IDE: variants seen among roughly 807,000 people sequenced by gnomAD.
IDE encodes insulin-degrading enzyme.
In IDE, 58 loss-of-function variants were observed where a neutral mutation model predicts 133.2. The observed-to-expected ratio is 0.44, with a 90% CI of 0.35 to 0.54. The LOEUF (loss-of-function observed/expected upper bound fraction) is 0.54. Among genes scored for constraint, IDE ranks in the 20% least tolerant of loss-of-function variants. The probability of loss-of-function intolerance (pLI) is 0.00; values close to 1 mark genes in which losing one functional copy is unlikely to be tolerated. For synonymous variants in IDE, 396 were observed against 421.3 expected, an observed-to-expected ratio of 0.94 and a Z score of 0.73; for missense variants, 981 against 1,234.0, an observed-to-expected ratio of 0.79 and a Z score of 3.07.
chr10:92,527,319 C>A (rs1849681743), intron 4 of IDE, among the ~76,000 whole-genome samples: 1 of 151,938 alleles, frequency 6.6e-6, no homozygotes, highest in Non-Finnish European at 1.5e-5. Flanking sequence ...CTTCATGCAC[C>A]CCTGCTTCAA....
At chr10:92,534,388 A>C (rs1241395368) in intron 3 of IDE, among the ~76,000 whole-genome samples, 190 bp downstream of exon 3, 1 of 152,226 alleles carries the variant, frequency 6.6e-6, no homozygotes, top group Non-Finnish European at 1.5e-5. Flanking sequence ...TCAATAAAAT[A>C]TTTTGTAGGC....
intron 2 of IDE, 49 bp downstream of exon 2, chr10:92,537,317 T>G (rs753284303): frequency 4.2e-6 from 6 of 1,415,622 alleles, no homozygotes; most frequent in Non-Finnish European, 5.8e-6. Flanking sequence ...AATGTCAGCA[T>G]TAGGTCAATG....
rs1283913704 is a variant in IDE at position 92,535,138 on chromosome 10, C to T, written c.284-353G>A. On this transcript the variant is annotated intron_variant, in intron 2 of 24. Coordinates refer to ENST00000265986, the MANE Select transcript of IDE (RefSeq NM_004969.4). ...TTTATTTTTGAGACGGAGTCTTGCT[C>T]TGTCGCCCAGGCTGGAGTGCAGTGG... is the stretch of plus-strand genomic sequence containing the variant. Among the ~76,000 whole-genome samples the T allele has an allele frequency of 3.3e-5, 5 of 152,238 alleles. No individual in the cohort carries two copies. The South Asian group carries it at 1.0e-3, about 32-fold the overall frequency.
Position 92,487,314 on chromosome 10 carries a change from C to A in IDE, c.1538G>T (p.Trp513Leu). The change falls in exon 13 of 25, where the codon TGG becomes TTG. Residue 513 changes from tryptophan (W) to leucine (L), a missense_variant. Physicochemically the swap from Trp to Leu is moderately conservative, Grantham distance 61 (BLOSUM62 -2). This residue lies in a region of IDE where 660 missense variants were observed against 894.7 expected (regional missense o/e 0.74). Transcript: ENST00000265986. ...TTTCCCATTCAGGTCAGCATTTTGC[C>A]ATTTCTGGATGAATAATGAAACACA... ...EAIPDEVIKK[W>L]QNADLNGKFK... The A allele has an allele frequency of 6.2e-7, 1 of 1,609,600 alleles. No individual in the cohort carries two copies. Among genetic ancestry groups the A allele is most frequent in the South Asian group, 1.1e-5 (1 of 90,060 alleles).
intron 4 of IDE, among the ~76,000 whole-genome samples, chr10:92,531,055 T>C (rs141235319): frequency 6.5e-4 from 99 of 152,330 alleles, no homozygotes; most frequent in African/African-American, 2.1e-3. Flanking sequence ...CTGTTAACAA[T>C]GATTACCTCT....
Position 92,535,002 on chromosome 10 carries a change from A to G in IDE, c.284-217T>C, listed in dbSNP as rs970346442. 2.0e-5 allele frequency among the ~76,000 whole-genome samples: 3 copies of G among 152,322 alleles called. No homozygotes were observed. In the South Asian group the frequency reaches 6.2e-4, roughly 32 times the overall value. On this transcript the variant is annotated intron_variant, in intron 2 of 24. Coordinates refer to ENST00000265986, the MANE Select transcript of IDE (RefSeq NM_004969.4). ...TTGACGCTAATTAGTTGGTAACCTC[A>G]GGCAGGTTACTTAGTGTCTCTGAAC...
chr10:92,491,228 AC>A (rs1248409903), intron 11 of IDE, among the ~76,000 whole-genome samples: 3 of 150,934 alleles, frequency 2.0e-5, no homozygotes, highest in Non-Finnish European at 4.4e-5. Context: ...ACAAATCAAA[AC>A]CTTGTCTCTT....
At chr10:92,519,224 A>T (rs1259131748) in intron 4 of IDE, among the ~76,000 whole-genome samples, 1 of 152,188 alleles carries the variant, frequency 6.6e-6, no homozygotes, top group Non-Finnish European at 1.5e-5. Flanking sequence ...AAGCTGAGTA[A>T]ATGGTCCAGA....
chr10:92,547,118 C>A (rs1842564903), intron 1 of IDE, among the ~76,000 whole-genome samples: 1 of 152,098 alleles, frequency 6.6e-6, no homozygotes, highest in African/African-American at 2.4e-5. Context: ...GTCTCACTCC[C>A]AGCGCCCAGG....
intron 14 of IDE, 107 bp from the exon 15 acceptor site, chr10:92,479,528 G>A: frequency 4.8e-6 from 4 of 839,648 alleles, no homozygotes; most frequent in Non-Finnish European, 7.6e-6. Context: ...ATGATTTCCT[G>A]AGGATATGGT....
chr10:92,532,299 G>A (rs1244762471), intron 3 of IDE, among the ~76,000 whole-genome samples: 1 of 150,682 alleles, frequency 6.6e-6, no homozygotes, highest in African/African-American at 2.4e-5. Context: ...GAAAGAAAAA[G>A]GCAGGTCATA....
chr10:92,481,275 T>C (rs1459290019), intron 14 of IDE, among the ~76,000 whole-genome samples: 1 of 151,706 alleles, frequency 6.6e-6, no homozygotes, highest in African/African-American at 2.4e-5. Flanking sequence ...TTCCAAGGAG[T>C]GTCCTAAAAT....
chr10:92,505,039 G>A, intron 10 of IDE, 142 bp from the exon 11 acceptor site: 2 of 502,248 alleles, frequency 4.0e-6, no homozygotes, highest in Non-Finnish European at 6.9e-6. Flanking sequence ...AAAATTTTCT[G>A]TAGCCCTAAA....
intron 1 of IDE, among the ~76,000 whole-genome samples, chr10:92,548,359 CAAAAAAAAAA>C (rs56347361): frequency 2.2e-3 from 89 of 39,714 alleles, no homozygotes; most frequent in Middle Eastern, 0.013. Flanking sequence ...AACTCCATCT[CAAAAAAAAAA>C]AAAAAAAAAA....
chr10:92,508,804 T>C lies in IDE; in HGVS notation c.984A>G (p.Ser328=). ...PIPDLQKYYK[S]NPGHYLGHLI... is the part of the protein sequence containing the mutation. ...GATGACCAAGATAATGACCAGGATT[T>C]GATTTGTAGTATTTCTGAAGGTCAG... Residue 328 remains serine (S), a synonymous_variant, in exon 7 of 25, where the codon TCA becomes TCG. Coordinates refer to ENST00000265986, the MANE Select transcript of IDE (RefSeq NM_004969.4). The C allele has an allele frequency of 1.9e-6, 3 of 1,613,678 alleles. No homozygotes were observed. The highest frequency in any genetic ancestry group is 2.5e-6 in the Non-Finnish European group (3 of 1,179,554).
rs992869343 is a variant in IDE, at chr10:92,494,269, C to T, written c.1431-3674G>A. ...TTTTGGTAGAAATGAGGTCTCACCA[C>T]GTTGCCCAGGCTGGTCTCAAACTCC... On this transcript the variant is annotated intron_variant, in intron 11 of 24. Transcript: ENST00000265986. Among the ~76,000 whole-genome samples, 7 of 148,866 alleles carry T rather than the reference C, an allele frequency of 4.7e-5. No individual in the cohort carries two copies. In the East Asian group the frequency reaches 9.9e-4, roughly 21 times the overall value.
At chr10:92,571,344 G>C (rs1843777965) in intron 1 of IDE, among the ~76,000 whole-genome samples, 1 of 152,154 alleles carries the variant, frequency 6.6e-6, no homozygotes, top group East Asian at 1.9e-4. Flanking sequence ...CAGGCAGAAT[G>C]TGTGGATTAG....
At chr10:92,500,748 TTGG>T (rs974910532) in intron 11 of IDE, among the ~76,000 whole-genome samples, 3 of 152,054 alleles carry the variant, frequency 2.0e-5, no homozygotes, top group African/African-American at 7.2e-5. Context: ...CCTCCCACAT[TTGG>T]TGATTTTTTT....
At chr10:92,568,737 A>G (rs1262730305) in intron 1 of IDE, among the ~76,000 whole-genome samples, 1 of 152,090 alleles carries the variant, frequency 6.6e-6, no homozygotes, top group East Asian at 1.9e-4. Context: ...AATCGCCTGA[A>G]GCTGGGAGAT....
Sources: allele counts gnomAD v4.1 joint callset (sites outside exome capture counted in the v4.1 genomes callset), GRCh38; gene constraint gnomAD v4.1.1; regional missense constraint gnomAD v4.1.1; transcripts MANE v1.5; gene names NCBI Gene and HGNC (gene_info 2026-07-23, HGNC 2026-07-21).